Variants in TASP1 observed in about 807,000 individuals in gnomAD.
TASP1 encodes the protein threonine aspartase 1.
TASP1 carries 16 observed loss-of-function variants against 56.6 expected under a neutral mutation model. The observed-to-expected ratio is 0.28, with a 90% CI of 0.19 to 0.43. The LOEUF (loss-of-function observed/expected upper bound fraction) is 0.43, where lower values mean the gene tolerates loss of function less well. TASP1 is among the 20% of genes least tolerant of loss of function. The pLI is 1.00. For missense variants in TASP1, 393 were observed against 511.6 expected (o/e 0.77, Z 2.24); for synonymous variants, 179 against 184.2 (o/e 0.97, Z 0.23).
At chr20:13,635,943 T>C (rs1438456026) in intron 1 of TASP1, among the ~76,000 whole-genome samples, 1 of 152,148 alleles carries the variant, frequency 6.6e-6, no homozygotes, top group Admixed American at 6.5e-5. Flanking sequence ...CACTGTTTTT[T>C]TTTCTTACAC....
At chr20:13,170,573 G>A in the TASP1 span, among the ~76,000 whole-genome samples, 1 of 152,198 alleles carries the variant, frequency 6.6e-6, no homozygotes, top group Non-Finnish European at 1.5e-5. Context: ...GTTCAGAATA[G>A]GAGCAAAAGG....
chr20:13,469,802 T>TTTTTTC (rs2044412805), intron 11 of TASP1, among the ~76,000 whole-genome samples: 2 of 91,412 alleles, frequency 2.2e-5, no homozygotes, highest in Non-Finnish European at 4.1e-5. Flanking sequence ...CTTTTTTTTT[T>TTTTTTC]TTTTTTTTTT....
the TASP1 span, among the ~76,000 whole-genome samples, chr20:13,372,629 G>T: frequency 6.6e-6 from 1 of 151,320 alleles, no homozygotes; most frequent in African/African-American, 2.4e-5. Flanking sequence ...AACATCTAAT[G>T]TTATTATTGA....
chr20:13,145,259 G>A, the TASP1 span, among the ~76,000 whole-genome samples: 2 of 152,076 alleles, frequency 1.3e-5, no homozygotes, highest in East Asian at 3.9e-4. Context: ...TGGCCCCAAA[G>A]CCCCTCAGCT....
chr20:13,418,867 A>G lies in TASP1; in HGVS notation c.1097-1346T>C, dbSNP rs1410027264. On this transcript the variant is annotated intron_variant, in intron 12 of 13. Coordinates refer to ENST00000337743, the MANE Select transcript of TASP1 (RefSeq NM_017714.3). Reference sequence around the variant, plus strand: ...AGAATTGAATGAGGAAACATCAAACAGACTTGAAATAGCAACACTCTACTA... The same window carrying G: ...AGAATTGAATGAGGAAACATCAAACGGACTTGAAATAGCAACACTCTACTA... 3.3e-5 allele frequency among the ~76,000 whole-genome samples: 5 copies of G among 152,238 alleles called. 1 individual carries two copies. The highest frequency in any genetic ancestry group is 2.6e-4 in the Admixed American group (4 of 15,284).
intron 10 of TASP1, among the ~76,000 whole-genome samples, chr20:13,498,281 T>G (rs939792718): frequency 2.0e-5 from 3 of 150,798 alleles, no homozygotes; most frequent in African/African-American, 7.3e-5. Context: ...AAACAAAAAA[T>G]CCCATTAAAA....
the TASP1 span, among the ~76,000 whole-genome samples, chr20:13,174,970 C>T: frequency 1.3e-5 from 2 of 152,042 alleles, no homozygotes; most frequent in Admixed American, 1.3e-4. Flanking sequence ...ATGCAAATTC[C>T]CCTGCATAAG....
At chr20:13,321,253 TAAAAAAAA>T in the TASP1 span, among the ~76,000 whole-genome samples, 750 of 57,560 alleles carry the variant, frequency 0.013, 25 homozygotes, top group Non-Finnish European at 0.019. Context: ...GTGCCCCACA[TAAAAAAAA>T]AAAAAAAAAA....
chr20:13,362,118 T>C, the TASP1 span, among the ~76,000 whole-genome samples: 2 of 150,078 alleles, frequency 1.3e-5, no homozygotes, highest in African/African-American at 5.0e-5. Context: ...TAATCCCGCT[T>C]GAAGCAGCCC....
In TASP1 at chr20:13,612,491, A is replaced by AACACACAC. The variant is rs34343791; in HGVS notation, c.282+10947_282+10954dup. 8.5e-3 allele frequency among the ~76,000 whole-genome samples: 1,231 copies of AACACACAC among 144,076 alleles called. 3 individuals are homozygous for AACACACAC. Among genetic ancestry groups the AACACACAC allele is most frequent in the South Asian group, 0.013 (55 of 4,388 alleles). The allele number at this position is 144,076 out of a possible 152,430, so 94.5% of individuals were successfully genotyped here. A position where few individuals can be genotyped will look rare whatever the true frequency, so the allele number is the denominator to read the frequency against. ...TTTTTAGAACTAGTAATTTGTAGCA[A>AACACACAC]ACACACACACACACACACACACACA... On this transcript the variant is annotated intron_variant, in intron 4 of 13. Transcript: ENST00000337743.
At chr20:13,363,169 C>A in the TASP1 span, among the ~76,000 whole-genome samples, 1 of 152,090 alleles carries the variant, frequency 6.6e-6, no homozygotes, top group Admixed American at 6.6e-5. Flanking sequence ...TCTTGTTGGG[C>A]TCCTACATTG....
chr20:13,274,209 A>T, the TASP1 span, among the ~76,000 whole-genome samples: 1 of 152,116 alleles, frequency 6.6e-6, no homozygotes, highest in Admixed American at 6.5e-5. Flanking sequence ...GCTTTCTACA[A>T]GGAGGTGATG....
the TASP1 span, among the ~76,000 whole-genome samples, chr20:13,199,060 C>T: frequency 6.8e-6 from 1 of 146,680 alleles, no homozygotes; most frequent in African/African-American, 2.6e-5. Flanking sequence ...CATGTGCCAC[C>T]ATACCTGGCT....
intron 10 of TASP1, among the ~76,000 whole-genome samples, chr20:13,505,606 G>A (rs986440138): frequency 4.6e-5 from 7 of 151,576 alleles, no homozygotes; most frequent in Admixed American, 2.6e-4. Context: ...AGAAACAGGT[G>A]GAAAACTAGA....
At chr20:13,288,637 G>A in the TASP1 span, 30 of 1,613,854 alleles carry the variant, frequency 1.9e-5, no homozygotes, top group East Asian at 6.7e-5. Context: ...GTGGCTACGC[G>A]TGCACTGCAA....
At chr20:13,198,359 G>A in the TASP1 span, among the ~76,000 whole-genome samples, 1 of 152,094 alleles carries the variant, frequency 6.6e-6, no homozygotes, top group Non-Finnish European at 1.5e-5. Flanking sequence ...ACTTCTCGTT[G>A]TATCCCAACA....
chr20:13,265,501 C>T, the TASP1 span, among the ~76,000 whole-genome samples: 1 of 152,152 alleles, frequency 6.6e-6, no homozygotes, highest in Non-Finnish European at 1.5e-5. Flanking sequence ...GTCAAGCTGA[C>T]TCCTGTGTTC....
the TASP1 span, among the ~76,000 whole-genome samples, chr20:13,215,918 C>T: frequency 6.6e-6 from 1 of 152,202 alleles, no homozygotes. Flanking sequence ...GTGATTTTCT[C>T]ATTTCTGAGC....
the TASP1 span, among the ~76,000 whole-genome samples, chr20:13,357,107 A>T: frequency 1.3e-5 from 2 of 150,982 alleles, no homozygotes; most frequent in African/African-American, 5.0e-5. Context: ...AGGAAGACAC[A>T]AATCAACAAA....
Sources: allele counts gnomAD v4.1 joint callset (sites outside exome capture counted in the v4.1 genomes callset), GRCh38; gene constraint gnomAD v4.1.1; transcripts MANE v1.5; gene names NCBI Gene and HGNC (gene_info 2026-07-23, HGNC 2026-07-21).